SLC24A2: variants seen among roughly 807,000 people sequenced by gnomAD.
The protein encoded by SLC24A2 is solute carrier family 24 member 2.
SLC24A2 carries 36 observed loss-of-function variants against 62.0 expected under a neutral mutation model. The ratio of observed to expected loss-of-function variants is 0.58; its 90% confidence interval spans 0.44 to 0.77. The LOEUF (loss-of-function observed/expected upper bound fraction) is 0.77, where lower values mean the gene tolerates loss of function less well. Among genes scored for constraint, SLC24A2 ranks in the 30% least tolerant of loss-of-function variants. The pLI is 0.00. For synonymous variants in SLC24A2, 358 were observed against 294.0 expected (o/e 1.22, Z -2.23); for missense variants, 846 against 817.9 (o/e 1.03, Z -0.42).
At chr9:19,714,998 G>C (rs1296728338) in intron 2 of SLC24A2, among the ~76,000 whole-genome samples, 3 of 151,756 alleles carry the variant, frequency 2.0e-5, no homozygotes, top group Admixed American at 6.6e-5. Context: ...GAGAAGAAGT[G>C]GGAAAAGTCT....
chr9:19,636,315 T>TTTCTTTCTTTCTTTC (rs1554690361), intron 2 of SLC24A2, among the ~76,000 whole-genome samples: 31 of 40,296 alleles, frequency 7.7e-4, no homozygotes, highest in South Asian at 2.9e-3. Context: ...TTTTCTTTTC[T>TTTCTTTCTTTCTTTC]TTTCTTTCTT....
the SLC24A2 span, among the ~76,000 whole-genome samples, chr9:20,172,662 C>A: frequency 6.6e-6 from 1 of 151,892 alleles, no homozygotes; most frequent in Non-Finnish European, 1.5e-5. Flanking sequence ...GAATTAGATA[C>A]CCTGAACAGC....
At chr9:20,208,090 G>C in the SLC24A2 span, among the ~76,000 whole-genome samples, 1 of 152,300 alleles carries the variant, frequency 6.6e-6, no homozygotes, top group Non-Finnish European at 1.5e-5. Context: ...TGGTCAGCAA[G>C]ATTGGGAAGG....
At chr9:19,649,187 T>C (rs1486648042) in intron 2 of SLC24A2, among the ~76,000 whole-genome samples, 1 of 152,158 alleles carries the variant, frequency 6.6e-6, no homozygotes, top group East Asian at 1.9e-4. Context: ...GGTTTGGAAC[T>C]ATAGCTAAAT....
the SLC24A2 span, among the ~76,000 whole-genome samples, chr9:20,155,735 C>G: frequency 6.6e-6 from 1 of 151,664 alleles, no homozygotes; most frequent in Non-Finnish European, 1.5e-5. Context: ...CAGATGCCAT[C>G]AACATAATTT....
At chr9:19,970,806 A>C in the SLC24A2 span, among the ~76,000 whole-genome samples, 1 of 152,238 alleles carries the variant, frequency 6.6e-6, no homozygotes, top group Non-Finnish European at 1.5e-5. Context: ...CAGAAAAATG[A>C]AATCCTAGAG....
At chr9:19,879,086 T>G in the SLC24A2 span, among the ~76,000 whole-genome samples, 1 of 152,210 alleles carries the variant, frequency 6.6e-6, no homozygotes, top group Non-Finnish European at 1.5e-5. Context: ...TAATCTTTAT[T>G]CCTCCTTGTC....
the SLC24A2 span, among the ~76,000 whole-genome samples, chr9:19,963,247 C>G: frequency 3.6e-4 from 52 of 145,258 alleles, 1 homozygote; most frequent in African/African-American, 1.2e-3. Context: ...ACATGTTAGA[C>G]CTAAAACCAT....
intron 2 of SLC24A2, among the ~76,000 whole-genome samples, chr9:19,629,004 G>A (rs1587061810): frequency 6.6e-6 from 1 of 152,156 alleles, no homozygotes; most frequent in East Asian, 1.9e-4. Flanking sequence ...ATACTTTGTA[G>A]CAAATGAGGC....
At chr9:19,742,977 G>A (rs1279679407) in intron 2 of SLC24A2, among the ~76,000 whole-genome samples, 1 of 152,126 alleles carries the variant, frequency 6.6e-6, no homozygotes, top group Admixed American at 6.6e-5. Flanking sequence ...AGAGGGAAAT[G>A]GGAATTTCCA....
chr9:19,711,519 A>G lies in SLC24A2; in HGVS notation c.930+74418T>C, dbSNP rs953774. Among the ~76,000 whole-genome samples, 1,091 of 152,340 alleles carry G rather than the reference A, an allele frequency of 7.2e-3. 10 individuals carry two copies. The highest frequency in any genetic ancestry group is 0.024 in the South Asian group (114 of 4,828). ...AAAATTATGAGTGAGGATAAACTCT[A>G]CTGATTGAGGAGCCTAATTCTTATC... On this transcript the variant is annotated intron_variant, in intron 2 of 10. Transcript: ENST00000341998.
At chr9:20,007,618 G>T in the SLC24A2 span, among the ~76,000 whole-genome samples, 1 of 151,828 alleles carries the variant, frequency 6.6e-6, no homozygotes, top group Non-Finnish European at 1.5e-5. Context: ...AATGCAATGG[G>T]GATTTCAACA....
chr9:20,284,130 G>A, the SLC24A2 span, among the ~76,000 whole-genome samples: 2 of 152,132 alleles, frequency 1.3e-5, no homozygotes, highest in Non-Finnish European at 2.9e-5. Context: ...GACATTTCTA[G>A]TGGGTGGGGG....
At chr9:19,626,801 C>T (rs1818046134) in intron 2 of SLC24A2, among the ~76,000 whole-genome samples, 1 of 152,070 alleles carries the variant, frequency 6.6e-6, no homozygotes, top group Non-Finnish European at 1.5e-5. Flanking sequence ...CAATACACTA[C>T]TGTAATAAAT....
chr9:19,658,707 T>A (rs538749750), intron 2 of SLC24A2, among the ~76,000 whole-genome samples: 9 of 152,300 alleles, frequency 5.9e-5, no homozygotes, highest in African/African-American at 2.2e-4. Flanking sequence ...GGGCTTCCTA[T>A]TGGACTCAAT....
At chr9:19,524,928 A>T (rs1833364835) in intron 9 of SLC24A2, among the ~76,000 whole-genome samples, 2 of 152,214 alleles carry the variant, frequency 1.3e-5, no homozygotes, top group African/African-American at 2.4e-5. Flanking sequence ...AGTTAGAAAA[A>T]CACCATTTTT....
the SLC24A2 span, among the ~76,000 whole-genome samples, chr9:19,983,289 C>A: frequency 6.6e-6 from 1 of 152,258 alleles, no homozygotes; most frequent in South Asian, 2.1e-4. Context: ...ACACACAAAA[C>A]CCCAATCCTA....
At chr9:20,079,548 T>C in the SLC24A2 span, among the ~76,000 whole-genome samples, 1 of 152,214 alleles carries the variant, frequency 6.6e-6, no homozygotes, top group African/African-American at 2.4e-5. Flanking sequence ...TATTAACTCC[T>C]CCCTGGAACA....
chr9:19,573,472 G>GTGAT lies in SLC24A2; in HGVS notation c.1229-7_1229-4dup. ...GCTGTTTGGAAGCTCAATTTTTTCTGTGATATAATTTAAACACACACACAC... is the reference window on the plus strand; with the variant it reads ...GCTGTTTGGAAGCTCAATTTTTTCTGTGATTGATATAATTTAAACACACACACAC... On this transcript the variant is annotated splice_polypyrimidine_tract_variant and splice_region_variant and intron_variant, in intron 6 of 10. Coordinates refer to ENST00000341998, the MANE Select transcript of SLC24A2 (RefSeq NM_020344.4). 1 of 1,511,818 alleles carries GTGAT rather than the reference G, an allele frequency of 6.6e-7. No homozygotes were observed. Among genetic ancestry groups the GTGAT allele is most frequent in the Non-Finnish European group, 9.1e-7 (1 of 1,094,646 alleles). The allele number at this position is 1,511,818 out of a possible 1,614,324, so 93.7% of individuals were successfully genotyped here. A position where few individuals can be genotyped will look rare whatever the true frequency, so the allele number is the denominator to read the frequency against.
Sources: allele counts gnomAD v4.1 joint callset (sites outside exome capture counted in the v4.1 genomes callset), GRCh38; gene constraint gnomAD v4.1.1; transcripts MANE v1.5; gene names NCBI Gene and HGNC (gene_info 2026-07-23, HGNC 2026-07-21).